The following ST6GALNAC4 variants were observed in gnomAD, a reference collection of about 807,000 sequenced individuals.
The protein encoded by ST6GALNAC4 is alpha-N-acetyl-neuraminyl-2,3-beta-galactosyl-1,3-N-acetyl-galactosaminide alpha-2,6-sialyltransferase.
In ST6GALNAC4, 24 loss-of-function variants were observed where a neutral mutation model predicts 30.4. That is an observed-to-expected ratio of 0.79 (90% CI 0.57 to 1.11). ST6GALNAC4 has a LOEUF of 1.11. Among genes scored for constraint, ST6GALNAC4 ranks in the 50% most tolerant of loss-of-function variants. The pLI, the probability that ST6GALNAC4 is intolerant of heterozygous loss-of-function variation, is 0.00. For synonymous variants in ST6GALNAC4, 156 were observed against 179.7 expected (o/e 0.87, Z 1.05); for missense variants, 365 against 430.1 (o/e 0.85, Z 1.34).
chr9:127,912,740 G>A, intron 3 of ST6GALNAC4, 60 bp from the exon 4 acceptor site: 1 of 1,460,166 alleles, frequency 6.8e-7, no homozygotes, highest in Non-Finnish European at 9.1e-7. Context: ...TACACCCCCT[G>A]CAGCTCCCCC....
intron 3 of ST6GALNAC4, among the ~76,000 whole-genome samples, chr9:127,914,277 C>G (rs1159683671): frequency 6.7e-6 from 1 of 150,252 alleles, no homozygotes; most frequent in Non-Finnish European, 1.5e-5. Flanking sequence ...GCCTATAATC[C>G]CAGCTACTCG....
At chr9:127,914,490 C>CAAAAA (rs60857050) in intron 3 of ST6GALNAC4, among the ~76,000 whole-genome samples, 166 bp downstream of exon 3, 994 of 49,960 alleles carry the variant, frequency 0.02, 185 homozygotes, top group Non-Finnish European at 0.025. Context: ...GACTCCGTCT[C>CAAAAA]AAAAAAAAAA....
intron 3 of ST6GALNAC4, among the ~76,000 whole-genome samples, chr9:127,913,956 A>G (rs1010660286): frequency 1.3e-5 from 2 of 152,136 alleles, no homozygotes; most frequent in Non-Finnish European, 2.9e-5. Flanking sequence ...AGGACGAGAC[A>G]GGCAAGAACC....
chr9:127,908,217 A>T lies in ST6GALNAC4; in HGVS notation c.*175T>A. ...CCCCTCCACTCCCCTTCAAGTCATG[A>T]GGCCTGAGATGGCTCCAAGTGTCGC... is the stretch of plus-strand genomic sequence containing the variant. On this transcript the variant is annotated 3_prime_UTR_variant, in exon 6 of 6. Coordinates refer to ENST00000335791, the MANE Select transcript of ST6GALNAC4 (RefSeq NM_175039.4). 3.0e-6 allele frequency: 1 copy of T among 329,658 alleles called. No homozygotes were observed. Among genetic ancestry groups the T allele is most frequent in the Non-Finnish European group, 5.2e-6 (1 of 192,864 alleles). The allele number at this position is 329,658 out of a possible 1,614,324, so 20.4% of individuals were successfully genotyped here. A position where few individuals can be genotyped will look rare whatever the true frequency, so the allele number is the denominator to read the frequency against.
intron 4 of ST6GALNAC4, among the ~76,000 whole-genome samples, chr9:127,911,765 G>A (rs1041556921): frequency 5.3e-5 from 8 of 152,204 alleles, no homozygotes; most frequent in Non-Finnish European, 5.9e-5. Context: ...GATTACAGGC[G>A]TGAGCCACCG....
chr9:127,908,531 AGCCG>A lies in ST6GALNAC4; in HGVS notation c.766_769del (p.Arg256Ter). 6.2e-7 allele frequency: 1 copy of A among 1,604,278 alleles called. No individual in the cohort carries two copies. Among genetic ancestry groups the A allele is most frequent in the Non-Finnish European group, 8.5e-7 (1 of 1,172,474 alleles). On this transcript the variant is annotated frameshift_variant, in exon 6 of 6. Transcript: ENST00000335791. LOFTEE classifies it high-confidence loss of function. ...TGCCAGGTACATCTGACACTCATCT[AGCCG>A]GCCCTTCTCAAAGTAGTGGTAAGGC...
rs540080104 is a variant in ST6GALNAC4, at chr9:127,909,216, C to T, written c.720-635G>A. Among the ~76,000 whole-genome samples the T allele has an allele frequency of 1.4e-4, 21 of 152,048 alleles. No homozygotes were observed. In the South Asian group the frequency reaches 1.7e-3, roughly 12 times the overall value. On this transcript the variant is annotated intron_variant, in intron 5 of 5. Coordinates refer to ENST00000335791, the MANE Select transcript of ST6GALNAC4 (RefSeq NM_175039.4). ...CAGCCTGGCCAACATGATGAAACCC[C>T]GTCTCTACTAAAACTACAAAAAATT...
intron 3 of ST6GALNAC4, among the ~76,000 whole-genome samples, chr9:127,913,966 C>T (rs537285967): frequency 2.6e-5 from 4 of 152,234 alleles, no homozygotes; most frequent in African/African-American, 9.6e-5. Context: ...AGGCAAGAAC[C>T]GGTGGCGGGA....
At chr9:127,914,095 CA>C (rs139937370) in intron 3 of ST6GALNAC4, among the ~76,000 whole-genome samples, 1 of 146,938 alleles carries the variant, frequency 6.8e-6, no homozygotes, top group African/African-American at 2.5e-5. Flanking sequence ...AACAAACAAA[CA>C]AAAAAAAACA....
intron 5 of ST6GALNAC4, among the ~76,000 whole-genome samples, chr9:127,909,146 G>C (rs1831010334): frequency 6.6e-6 from 1 of 152,134 alleles, no homozygotes; most frequent in African/African-American, 2.4e-5. Flanking sequence ...CTGATCCCTG[G>C]GGAGGCCAAG....
At chr9:127,916,175 G>A (rs777888670) in intron 2 of ST6GALNAC4, 1 of 598,766 alleles carries the variant, frequency 1.7e-6, no homozygotes, top group South Asian at 2.0e-5. Flanking sequence ...AGCTCGTAGC[G>A]TTACCTCCGT....
At chr9:127,916,555 G>A (rs1831199376) in intron 1 of ST6GALNAC4, 61 bp from the exon 2 acceptor site, 1 of 1,037,406 alleles carries the variant, frequency 9.6e-7, no homozygotes, top group African/African-American at 1.6e-5. Context: ...CTAAGCTATA[G>A]GGAAAACTGA....
chr9:127,910,498 C>T, intron 4 of ST6GALNAC4: 1 of 1,010,002 alleles, frequency 9.9e-7, no homozygotes, highest in Non-Finnish European at 1.2e-6. Context: ...ATCACATTTG[C>T]TCGTGAACCT....
At position 127,910,001 on chromosome 9, in the gene ST6GALNAC4, C is replaced by G. The variant is rs1316611883; in HGVS notation, c.669G>C (p.Glu223Asp). 1.9e-6 allele frequency: 3 copies of G among 1,613,396 alleles called. No individual in the cohort carries two copies. The highest frequency in any genetic ancestry group is 1.3e-5 in the African/African-American group (1 of 74,946). The change falls in exon 5 of 6, where the codon GAG becomes GAC. Residue 223 changes from glutamate to aspartate, a missense_variant. By Grantham distance (45) the Glu-to-Asp change is conservative. Coordinates refer to ENST00000335791, the MANE Select transcript of ST6GALNAC4 (RefSeq NM_175039.4). The stretch of plus-strand genomic sequence containing the variant: ...CATAGACCACGATCTCCTCACACAG[C>G]TCCAGCGCGAGGATCATGGTGAACC... ...TGWFTMILALELCEEIVVYGM... is the reference protein window; with the variant it reads ...TGWFTMILALDLCEEIVVYGM...
chr9:127,913,411 C>A (rs953016006), intron 3 of ST6GALNAC4, among the ~76,000 whole-genome samples: 1 of 151,120 alleles, frequency 6.6e-6, no homozygotes, highest in African/African-American at 2.4e-5. Context: ...ATGGCAAAAC[C>A]CCATCTCTAC....
At chr9:127,910,967 G>T (rs1831062061) in intron 4 of ST6GALNAC4, among the ~76,000 whole-genome samples, 1 of 152,202 alleles carries the variant, frequency 6.6e-6, no homozygotes, top group Non-Finnish European at 1.5e-5. Context: ...CTGATGGGGT[G>T]GTCAGGGCGG....
rs747828943 is a variant in ST6GALNAC4, at chr9:127,910,075, G to T, written c.612-17C>A. ...GACTGCCTCCTGGGGGTGGCGGGGG[G>T]ACAGGGGGACGCTGTCAACAAGAGG... is the stretch of plus-strand genomic sequence containing the variant. On this transcript the variant is annotated splice_polypyrimidine_tract_variant and intron_variant, in intron 4 of 5. Transcript: ENST00000335791. The T allele has an allele frequency of 4.3e-6, 7 of 1,611,526 alleles. No homozygotes were observed. The highest frequency in any genetic ancestry group is 4.2e-6 in the Non-Finnish European group (5 of 1,179,210).
intron 3 of ST6GALNAC4, among the ~76,000 whole-genome samples, 170 bp downstream of exon 3, chr9:127,914,486 G>A (rs1490051877): frequency 6.1e-5 from 3 of 49,390 alleles, no homozygotes; most frequent in Non-Finnish European, 1.2e-4. Context: ...GAAAGACTCC[G>A]TCTCAAAAAA....
Position 127,916,386 on chromosome 9 carries a change from AGT to A in ST6GALNAC4, c.12+20_12+21del. ...AGTCGGGGCCTCTGCGTTCCCTGGAAGTCCTCCTTCTTCCCACTTACCGGAGC... is the reference window on the plus strand; with the variant it reads ...AGTCGGGGCCTCTGCGTTCCCTGGAACCTCCTTCTTCCCACTTACCGGAGC... On this transcript the variant is annotated intron_variant, in intron 2 of 5. Coordinates refer to ENST00000335791, the MANE Select transcript of ST6GALNAC4 (RefSeq NM_175039.4). 6.2e-7 allele frequency: 1 copy of A among 1,614,096 alleles called. No homozygotes were observed.
Sources: gnomAD v4.1 joint callset for allele counts (sites outside exome capture counted in the v4.1 genomes callset) on GRCh38, gnomAD v4.1.1 for gene constraint, MANE v1.5 for transcripts, NCBI Gene and HGNC (gene_info 2026-07-23, HGNC 2026-07-21) for gene names.